CTNNA3: variants seen among roughly 807,000 people sequenced by gnomAD.
CTNNA3 encodes the protein catenin alpha 3, also known as catenin alpha-3.
In CTNNA3, 76 loss-of-function variants were observed where a neutral mutation model predicts 95.7. The observed-to-expected ratio is 0.79, with a 90% CI of 0.66 to 0.96. The LOEUF is 0.96. CTNNA3 is among the 40% of genes least tolerant of loss of function. The pLI is 0.00. For synonymous variants in CTNNA3, 431 were observed against 374.4 expected (o/e 1.15, Z -1.74); for missense variants, 1,191 against 1,089.8 (o/e 1.09, Z -1.31).
At chr10:66,171,552 A>C (rs1396956225) in intron 13 of CTNNA3, among the ~76,000 whole-genome samples, 1 of 151,990 alleles carries the variant, frequency 6.6e-6, no homozygotes, top group Admixed American at 6.6e-5. Flanking sequence ...TCTCAAAAAA[A>C]AAAAAAATTT....
At chr10:66,362,125 A>T (rs1230368947) in intron 12 of CTNNA3, among the ~76,000 whole-genome samples, 2 of 111,374 alleles carry the variant, frequency 1.8e-5, no homozygotes, top group African/African-American at 3.6e-5. Flanking sequence ...TTTTTTTGAG[A>T]CGGAGTCTTG....
chr10:67,699,670 G>C (rs1049069970), upstream of CTNNA3, among the ~76,000 whole-genome samples: 2 of 152,186 alleles, frequency 1.3e-5, no homozygotes, highest in African/African-American at 2.4e-5. Context: ...GAACAGCTCC[G>C]GTCTACAGCT....
intron 13 of CTNNA3, among the ~76,000 whole-genome samples, chr10:66,233,450 G>C (rs1263578385): frequency 1.3e-5 from 2 of 152,018 alleles, no homozygotes; most frequent in Non-Finnish European, 2.9e-5. Flanking sequence ...ATAACATTTA[G>C]AATATGTAAA....
chr10:66,177,794 C>T (rs1328381896), intron 13 of CTNNA3, among the ~76,000 whole-genome samples: 5 of 151,902 alleles, frequency 3.3e-5, no homozygotes, highest in African/African-American at 7.2e-5. Flanking sequence ...GCCTTTAGAA[C>T]ATCGATGGGT....
intron 13 of CTNNA3, among the ~76,000 whole-genome samples, chr10:66,200,062 G>A: frequency 6.6e-6 from 1 of 151,104 alleles, no homozygotes; most frequent in East Asian, 1.9e-4. Context: ...CAAATTTTAA[G>A]TGACAAAGAA....
chr10:66,313,485 G>A (rs10997055), intron 12 of CTNNA3, among the ~76,000 whole-genome samples: 31,414 of 152,072 alleles, frequency 0.21, 4,141 homozygotes, highest in Admixed American at 0.32. Context: ...TTCCCAAGGC[G>A]TTTGCTGCTG....
intron 15 of CTNNA3, among the ~76,000 whole-genome samples, chr10:66,009,477 T>C (rs2078963419): frequency 6.6e-6 from 1 of 152,192 alleles, no homozygotes; most frequent in South Asian, 2.1e-4. Context: ...ATGCCAATCA[T>C]ACATTAAATC....
intron 1 of CTNNA3, among the ~76,000 whole-genome samples, chr10:67,759,500 G>T (rs1841451202): frequency 6.6e-6 from 1 of 152,148 alleles, no homozygotes; most frequent in Non-Finnish European, 1.5e-5. Context: ...TAATACAATT[G>T]TGTAAAAGAA....
chr10:67,593,453 C>A (rs570018534), intron 3 of CTNNA3, among the ~76,000 whole-genome samples: 1 of 152,110 alleles, frequency 6.6e-6, no homozygotes, highest in Non-Finnish European at 1.5e-5. Context: ...TTTTCTAGTT[C>A]TCCTTGTAAA....
At chr10:66,946,389 CTT>C (rs776927402) in intron 7 of CTNNA3, among the ~76,000 whole-genome samples, 1 of 152,080 alleles carries the variant, frequency 6.6e-6, no homozygotes, top group African/African-American at 2.4e-5. Context: ...TAAACAAAAA[CTT>C]TTTTTGTTGG....
chr10:67,491,858 GA>G (rs1848657791), intron 5 of CTNNA3, among the ~76,000 whole-genome samples: 1 of 151,676 alleles, frequency 6.6e-6, no homozygotes, highest in South Asian at 2.1e-4. Context: ...AATATAAGTG[GA>G]AAAAAAGTAT....
At chr10:67,561,860 CT>C (rs1470992353) in intron 3 of CTNNA3, among the ~76,000 whole-genome samples, 3 of 152,188 alleles carry the variant, frequency 2.0e-5, no homozygotes, top group Non-Finnish European at 4.4e-5. Flanking sequence ...ACTATAAACA[CT>C]TCTACACAAA....
At chr10:66,084,607 A>G (rs2080908536) in intron 14 of CTNNA3, among the ~76,000 whole-genome samples, 3 of 152,118 alleles carry the variant, frequency 2.0e-5, no homozygotes, top group Non-Finnish European at 1.5e-5. Context: ...TAGAAAAAGG[A>G]CTCATCTTGA....
intron 7 of CTNNA3, among the ~76,000 whole-genome samples, chr10:66,881,483 T>C (rs368217916): frequency 6.6e-6 from 1 of 152,114 alleles, no homozygotes; most frequent in Non-Finnish European, 1.5e-5. Flanking sequence ...TTGGCTTCAG[T>C]GATCAATTGA....
intron 10 of CTNNA3, among the ~76,000 whole-genome samples, chr10:66,597,658 C>T (rs1843770686): frequency 6.6e-6 from 1 of 150,380 alleles, no homozygotes; most frequent in South Asian, 2.1e-4. Context: ...AAGGAACCCT[C>T]ATGAGATTAT....
At chr10:66,624,942 T>C (rs1844880812) in intron 9 of CTNNA3, among the ~76,000 whole-genome samples, 1 of 152,102 alleles carries the variant, frequency 6.6e-6, no homozygotes, top group South Asian at 2.1e-4. Context: ...CTTAACCAAG[T>C]CTACAAAAAG....
At chr10:66,149,458 T>G in intron 13 of CTNNA3, among the ~76,000 whole-genome samples, 1 of 151,366 alleles carries the variant, frequency 6.6e-6, no homozygotes. Flanking sequence ...AACTATTAAC[T>G]AATAACTTCA....
intron 7 of CTNNA3, among the ~76,000 whole-genome samples, chr10:67,033,181 C>T (rs1853838860): frequency 1.3e-5 from 2 of 152,142 alleles, no homozygotes; most frequent in Admixed American, 6.5e-5. Flanking sequence ...ATATGATCTT[C>T]AAGTCCTCTT....
intron 14 of CTNNA3, among the ~76,000 whole-genome samples, chr10:66,094,942 G>A (rs950669145): frequency 6.6e-6 from 1 of 152,142 alleles, no homozygotes; most frequent in Non-Finnish European, 1.5e-5. Flanking sequence ...CTATTCCTGA[G>A]TTTAGATTTG....
Sources: allele counts gnomAD v4.1 joint callset (sites outside exome capture counted in the v4.1 genomes callset), GRCh38; gene constraint gnomAD v4.1.1; transcripts MANE v1.5; gene names NCBI Gene and HGNC (gene_info 2026-07-23, HGNC 2026-07-21).